Variants in TEX36 observed in about 807,000 individuals in gnomAD.
TEX36 encodes the protein testis expressed 36, also known as testis-expressed protein 36.
A neutral mutation model predicts 13.6 loss-of-function variants in TEX36; 12 were observed. The ratio of observed to expected loss-of-function variants is 0.88; its 90% CI spans 0.56 to 1.43. The LOEUF is 1.43. Ranked by LOEUF, TEX36 falls within the 40% of genes most tolerant of loss-of-function variation. The pLI, the probability that TEX36 is intolerant of heterozygous loss-of-function variation, is 0.00. For synonymous variants in TEX36, 93 were observed against 83.0 expected, an observed-to-expected ratio of 1.12 and a Z score of -0.65; for missense variants, 224 against 228.3, an observed-to-expected ratio of 0.98 and a Z score of 0.12.
intron 3 of TEX36, among the ~76,000 whole-genome samples, chr10:125,589,749 A>G (rs550964450): frequency 6.6e-6 from 1 of 152,326 alleles, no homozygotes; most frequent in African/African-American, 2.4e-5. Flanking sequence ...GGATTTCTGC[A>G]TCTCTTATGT....
chr10:125,595,356 T>C (rs888043618), intron 3 of TEX36, among the ~76,000 whole-genome samples: 1 of 152,180 alleles, frequency 6.6e-6, no homozygotes, highest in African/African-American at 2.4e-5. Context: ...TAGCATCACA[T>C]TGATATCAAA....
chr10:125,669,298 T>A (rs1027874745), intron 1 of TEX36, among the ~76,000 whole-genome samples: 30 of 149,018 alleles, frequency 2.0e-4, no homozygotes, highest in African/African-American at 6.2e-4. Flanking sequence ...TCAAAAAAAA[T>A]AAATAAATAA....
downstream of TEX36, among the ~76,000 whole-genome samples, chr10:125,652,481 T>G (rs981025952): frequency 6.6e-6 from 1 of 152,170 alleles, no homozygotes; most frequent in Non-Finnish European, 1.5e-5. Context: ...ATACAAAAAT[T>G]AATTCAAGAT....
chr10:125,679,073 G>A (rs764618723), intron 1 of TEX36, among the ~76,000 whole-genome samples: 1 of 150,660 alleles, frequency 6.6e-6, no homozygotes, highest in Non-Finnish European at 1.5e-5. Flanking sequence ...GCCAGGGTTT[G>A]CCCTCCAACC....
intron 3 of TEX36, among the ~76,000 whole-genome samples, chr10:125,624,716 A>T (rs1846466304): frequency 6.6e-6 from 1 of 151,658 alleles, no homozygotes; most frequent in African/African-American, 2.4e-5. Flanking sequence ...CAGCAGAAAC[A>T]GAAACTGTAT....
At chr10:125,612,618 G>A (rs1294413505) in intron 3 of TEX36, among the ~76,000 whole-genome samples, 2 of 151,988 alleles carry the variant, frequency 1.3e-5, no homozygotes, top group Admixed American at 6.6e-5. Flanking sequence ...AGTCTGCCTT[G>A]GTTCATTGGG....
Position 125,589,515 on chromosome 10 carries a change from A to T in TEX36, c.265-12641T>A, listed in dbSNP as rs567838563. Among the ~76,000 whole-genome samples the T allele has an allele frequency of 6.6e-5, 10 of 152,298 alleles. 1 individual carries two copies. In the South Asian group the frequency reaches 1.7e-3, roughly 25 times the overall value. On this transcript the variant is annotated intron_variant, in intron 3 of 3. Transcript: ENST00000532135. ...GATGGATACTCTACTATTTTAAAGG[A>T]GTGTCTTTCTATTCCCAGTTTACTG...
intron 1 of TEX36, chr10:125,667,477 G>T (rs1194458199): frequency 2.8e-6 from 2 of 721,100 alleles, no homozygotes; most frequent in African/African-American, 1.7e-5. Context: ...GGGCTGAGGG[G>T]GTGTGTTCCC....
intron 3 of TEX36, among the ~76,000 whole-genome samples, chr10:125,625,357 C>T (rs749796246): frequency 6.6e-6 from 1 of 152,196 alleles, no homozygotes; most frequent in Non-Finnish European, 1.5e-5. Flanking sequence ...TGTGGGTGTG[C>T]AGTGTGACAT....
chr10:125,623,348 T>C (rs1846449904), intron 3 of TEX36, among the ~76,000 whole-genome samples: 1 of 152,098 alleles, frequency 6.6e-6, no homozygotes, highest in African/African-American at 2.4e-5. Flanking sequence ...CCAACTCAAA[T>C]GTCAATCTCC....
At chr10:125,602,482 C>T (rs1036783649) in intron 3 of TEX36, among the ~76,000 whole-genome samples, 1 of 152,184 alleles carries the variant, frequency 6.6e-6, no homozygotes, top group African/African-American at 2.4e-5. Context: ...CCCCTCTATC[C>T]TTCCTTCAGG....
At chr10:125,612,809 GA>G (rs35721943) in intron 3 of TEX36, among the ~76,000 whole-genome samples, 1,698 of 146,204 alleles carry the variant, frequency 0.012, 16 homozygotes, top group African/African-American at 0.027. Context: ...TTACAAACAG[GA>G]AAAAAAAAAA....
At chr10:125,655,491 A>ACT, downstream of TEX36, among the ~76,000 whole-genome samples, 2 of 152,204 alleles carry the variant, frequency 1.3e-5, no homozygotes, top group African/African-American at 4.8e-5. Context: ...TAACATAGTA[A>ACT]TGTTGAAAAG....
chr10:125,678,453 T>C (rs1338829593), intron 1 of TEX36, among the ~76,000 whole-genome samples: 3 of 151,914 alleles, frequency 2.0e-5, no homozygotes, highest in South Asian at 2.1e-4. Context: ...CTCAGAGTAG[T>C]ATAAGCTGGC....
intron 3 of TEX36, 55 bp downstream of exon 3, chr10:125,660,966 C>G: frequency 6.9e-7 from 1 of 1,457,966 alleles, no homozygotes; most frequent in Non-Finnish European, 9.4e-7. Context: ...CCCAGAAAAT[C>G]AAGATCCCTT....
chr10:125,634,959 G>C (rs1846605178), intron 3 of TEX36, among the ~76,000 whole-genome samples: 1 of 152,214 alleles, frequency 6.6e-6, no homozygotes, highest in South Asian at 2.1e-4. Context: ...AGGGAGCTCA[G>C]AGAAGGAGGT....
At chr10:125,605,822 G>A (rs1041972530) in intron 3 of TEX36, among the ~76,000 whole-genome samples, 1 of 152,084 alleles carries the variant, frequency 6.6e-6, no homozygotes, top group Non-Finnish European at 1.5e-5. Flanking sequence ...GGCTGGTCTC[G>A]AACTCCTGAC....
chr10:125,638,769 C>T (rs1233057055), intron 3 of TEX36, among the ~76,000 whole-genome samples: 10 of 152,228 alleles, frequency 6.6e-5, no homozygotes, highest in African/African-American at 2.2e-4. Context: ...CCCCAACCTG[C>T]TCCCTGTCCT....
downstream of TEX36, among the ~76,000 whole-genome samples, chr10:125,655,518 A>T (rs908425553): frequency 4.6e-5 from 7 of 152,234 alleles, no homozygotes; most frequent in Non-Finnish European, 1.0e-4. Context: ...TGTTATGCAC[A>T]TGTATATGAT....
Sources: allele counts gnomAD v4.1 joint callset (sites outside exome capture counted in the v4.1 genomes callset), GRCh38; gene constraint gnomAD v4.1.1; transcripts MANE v1.5; gene names NCBI Gene and HGNC (gene_info 2026-07-23, HGNC 2026-07-21).